The following TRPM3 variants were observed in gnomAD, a reference collection of about 807,000 sequenced individuals.
TRPM3 encodes transient receptor potential cation channel subfamily M member 3.
TRPM3 carries 77 observed loss-of-function variants against 181.2 expected under a neutral mutation model. That is an observed-to-expected ratio of 0.42 (90% CI 0.35 to 0.51). The LOEUF (loss-of-function observed/expected upper bound fraction) is 0.51, where lower values mean the gene tolerates loss of function less well. Among genes scored for constraint, TRPM3 ranks in the 20% least tolerant of loss-of-function variants. The pLI is 0.01. For missense variants in TRPM3, 1,759 were observed against 2,196.7 expected (o/e 0.80, Z 3.98); for synonymous variants, 745 against 796.4 (o/e 0.94, Z 1.09).
chr9:71,003,193 T>TGA (rs1554796484), intron 1 of TRPM3, among the ~76,000 whole-genome samples: 2 of 129,178 alleles, frequency 1.5e-5, no homozygotes, highest in Non-Finnish European at 3.4e-5. Flanking sequence ...TCCCTTGCCT[T>TGA]AAAAAAAAAA....
chr9:71,435,243 A>G (rs955519863), intron 1 of TRPM3, among the ~76,000 whole-genome samples: 1 of 152,170 alleles, frequency 6.6e-6, no homozygotes, highest in African/African-American at 2.4e-5. Flanking sequence ...AATAATATAT[A>G]AAATATGTAT....
intron 1 of TRPM3, among the ~76,000 whole-genome samples, chr9:71,413,794 C>G (rs2093597550): frequency 1.3e-5 from 2 of 151,950 alleles, no homozygotes; most frequent in Admixed American, 1.3e-4. Context: ...AGACTGGGCC[C>G]TAACCTGCCA....
intron 22 of TRPM3, among the ~76,000 whole-genome samples, chr9:70,585,149 T>A (rs939825047): frequency 6.6e-6 from 1 of 152,234 alleles, no homozygotes; most frequent in Non-Finnish European, 1.5e-5. Context: ...CTGTTGCTGA[T>A]TTACTCTTAC....
At chr9:70,880,993 T>C (rs67854625) in intron 1 of TRPM3, among the ~76,000 whole-genome samples, 4,632 of 152,222 alleles carry the variant, frequency 0.03, 93 homozygotes, top group Middle Eastern at 0.054. Flanking sequence ...CTCCTATCTC[T>C]TGTTACTTCA....
intron 9 of TRPM3, among the ~76,000 whole-genome samples, chr9:70,664,607 A>G (rs899230607): frequency 6.7e-6 from 1 of 148,324 alleles, no homozygotes. Flanking sequence ...GGGATTCTCC[A>G]TGAGAGCCAC....
At chr9:71,377,378 G>A (rs959359061) in intron 1 of TRPM3, among the ~76,000 whole-genome samples, 1 of 151,954 alleles carries the variant, frequency 6.6e-6, no homozygotes, top group Non-Finnish European at 1.5e-5. Context: ...GCCACACAGA[G>A]GGTCTCACTA....
chr9:71,113,809 C>T (rs2071690441), intron 1 of TRPM3, among the ~76,000 whole-genome samples: 1 of 152,132 alleles, frequency 6.6e-6, no homozygotes, highest in Admixed American at 6.5e-5. Flanking sequence ...ATGCCAGAGC[C>T]TAATTTTAAT....
At chr9:71,216,884 T>C (rs1306841572) in intron 1 of TRPM3, among the ~76,000 whole-genome samples, 3 of 151,228 alleles carry the variant, frequency 2.0e-5, no homozygotes, top group Non-Finnish European at 2.9e-5. Context: ...GAAAATACCA[T>C]TGCTGTAATT....
At chr9:70,607,703 T>C (rs1390129811) in intron 19 of TRPM3, among the ~76,000 whole-genome samples, 1 of 152,232 alleles carries the variant, frequency 6.6e-6, no homozygotes, top group Non-Finnish European at 1.5e-5. Flanking sequence ...ATGATGGGGC[T>C]AGAAATTTGC....
chr9:71,331,013 A>G (rs977858106), intron 1 of TRPM3, among the ~76,000 whole-genome samples: 5 of 152,042 alleles, frequency 3.3e-5, no homozygotes, highest in Middle Eastern at 3.4e-3. Context: ...CAAGCTGCTA[A>G]GATTCTTGGG....
chr9:70,941,293 CT>C (rs978694498), intron 1 of TRPM3, among the ~76,000 whole-genome samples: 1 of 152,152 alleles, frequency 6.6e-6, no homozygotes, highest in African/African-American at 2.4e-5. Context: ...TAGCCTTCAT[CT>C]TTTTTTCATG....
chr9:70,809,425 G>A (rs1053708512), intron 6 of TRPM3, among the ~76,000 whole-genome samples: 6 of 152,166 alleles, frequency 3.9e-5, no homozygotes, highest in African/African-American at 1.2e-4. Flanking sequence ...CATGGTAAGT[G>A]CCCTATTAAG....
At chr9:70,683,428 C>CCTTT (rs2065960510) in intron 8 of TRPM3, among the ~76,000 whole-genome samples, 1 of 57,458 alleles carries the variant, frequency 1.7e-5, no homozygotes, top group African/African-American at 6.4e-5. Context: ...TCTCTCTCTC[C>CCTTT]TTTTTTTTTT....
intron 22 of TRPM3, among the ~76,000 whole-genome samples, chr9:70,557,683 G>T (rs192870477): frequency 6.6e-6 from 1 of 152,284 alleles, no homozygotes; most frequent in Non-Finnish European, 1.5e-5. Flanking sequence ...ATGGCACATG[G>T]GTGGATGTTT....
chr9:70,923,820 C>A (rs1294940271), intron 1 of TRPM3, among the ~76,000 whole-genome samples: 63 of 140,502 alleles, frequency 4.5e-4, no homozygotes, highest in African/African-American at 1.3e-3. Context: ...CTCTCTCTCT[C>A]TCTCTCTCTA....
At chr9:70,800,127 C>A (rs1471237291) in intron 6 of TRPM3, among the ~76,000 whole-genome samples, 1 of 151,450 alleles carries the variant, frequency 6.6e-6, no homozygotes, top group Non-Finnish European at 1.5e-5. Context: ...CTCTGAAAGA[C>A]AATTTTTTCT....
At position 70,864,525 on chromosome 9, in the gene TRPM3, C is replaced by CAAAAAAAAA. The variant is rs71367234; in HGVS notation, c.178-23_178-15dup. ...GGATTTCTGAGCCTGAAAAAGAAAA[C>CAAAAAAAAA]AAAAAAAAAAAAAAAAGAAAAAAGA... On this transcript the variant is annotated splice_polypyrimidine_tract_variant and intron_variant, in intron 1 of 25. Transcript: ENST00000677713. The CAAAAAAAAA allele has an allele frequency of 1.1e-3, 975 of 898,874 alleles. No homozygotes were observed. Among genetic ancestry groups the CAAAAAAAAA allele is most frequent in the South Asian group, 4.8e-3 (126 of 26,194 alleles). The allele number at this position is 898,874 out of a possible 1,614,324, so 55.7% of individuals were successfully genotyped here.
At chr9:70,992,934 A>G (rs1466629684) in intron 1 of TRPM3, among the ~76,000 whole-genome samples, 1 of 152,234 alleles carries the variant, frequency 6.6e-6, no homozygotes, top group Admixed American at 6.5e-5. Flanking sequence ...CTTGAGTATC[A>G]GAAACATTCT....
At chr9:71,417,265 CAT>C (rs2093650549) in intron 1 of TRPM3, among the ~76,000 whole-genome samples, 1 of 151,956 alleles carries the variant, frequency 6.6e-6, no homozygotes, top group Non-Finnish European at 1.5e-5. Flanking sequence ...ATTAATAACA[CAT>C]GTGAGTTTCA....
Sources: allele counts gnomAD v4.1 joint callset (sites outside exome capture counted in the v4.1 genomes callset), GRCh38; gene constraint gnomAD v4.1.1; transcripts MANE v1.5; gene names NCBI Gene and HGNC (gene_info 2026-07-23, HGNC 2026-07-21).